The following DNAH6 variants were observed in gnomAD, a reference collection of about 807,000 sequenced individuals.
DNAH6 encodes dynein axonemal heavy chain 6.
Under a neutral mutation model 491.4 loss-of-function variants are expected in DNAH6, and 340 were observed. The ratio of observed to expected loss-of-function variants is 0.69; its 90% CI spans 0.63 to 0.76. The LOEUF (loss-of-function observed/expected upper bound fraction) is 0.76. DNAH6 is among the 30% of genes least tolerant of loss of function. DNAH6 has a pLI of 0.00. For synonymous variants in DNAH6, 1,603 were observed against 1,686.1 expected, an observed-to-expected ratio of 0.95 and a Z score of 1.21; for missense variants, 4,443 against 4,972.2, an observed-to-expected ratio of 0.89 and a Z score of 3.20.
At position 84,710,391 on chromosome 2, in the gene DNAH6, T is replaced by C; in HGVS notation, c.9357T>C (p.Gly3119=). Residue 3119 remains glycine (G), a synonymous_variant, in exon 56 of 77, where the codon GGT becomes GGC. Coordinates refer to ENST00000389394, the MANE Select transcript of DNAH6 (RefSeq NM_001370.2). The part of the protein sequence containing the change: ...LRILENSIRL[G]LPVLLEELKE... ...TACTCGAGAATTCAATCCGACTTGG[T>C]TTACCTGTCTTACTGGAAGAGGTTT... 1.9e-6 allele frequency: 3 copies of C among 1,551,768 alleles called. No homozygotes were observed. Among genetic ancestry groups the C allele is most frequent in the Non-Finnish European group, 2.6e-6 (3 of 1,146,952 alleles).
chr2:84,616,675 T>A (rs1384798345), intron 22 of DNAH6, among the ~76,000 whole-genome samples: 1 of 152,144 alleles, frequency 6.6e-6, no homozygotes, highest in Non-Finnish European at 1.5e-5. Context: ...TTGCTGATAA[T>A]GTGATTGTAA....
chr2:84,709,598 C>T (rs1311532570), intron 55 of DNAH6, 52 bp downstream of exon 55: 2 of 1,532,210 alleles, frequency 1.3e-6, no homozygotes, highest in African/African-American at 2.8e-5. Flanking sequence ...TAATGTTGAG[C>T]TAGCTATTAA....
intron 5 of DNAH6, among the ~76,000 whole-genome samples, chr2:84,545,489 T>C (rs558629396): frequency 2.6e-5 from 4 of 152,210 alleles, no homozygotes; most frequent in Non-Finnish European, 5.9e-5. Context: ...GCTAGGTATG[T>C]AAAATAGTTC....
At chr2:84,773,122 C>T (rs898053805) in intron 64 of DNAH6, among the ~76,000 whole-genome samples, 1 of 151,976 alleles carries the variant, frequency 6.6e-6, no homozygotes, top group African/African-American at 2.4e-5. Context: ...TTTCTTAACA[C>T]GTGCATATTG....
chr2:84,570,203 A>G (rs1385127871), intron 11 of DNAH6, among the ~76,000 whole-genome samples: 1 of 152,226 alleles, frequency 6.6e-6, no homozygotes. Context: ...GGAGACATGT[A>G]AAAAAGACAA....
intron 37 of DNAH6, among the ~76,000 whole-genome samples, chr2:84,661,668 A>G (rs1388809965): frequency 9.2e-5 from 14 of 152,220 alleles, no homozygotes; most frequent in Non-Finnish European, 1.5e-5. Flanking sequence ...ATGGAGAGAT[A>G]TACTATGTTC....
At chr2:84,580,458 A>G (rs1682909988) in intron 14 of DNAH6, among the ~76,000 whole-genome samples, 1 of 152,122 alleles carries the variant, frequency 6.6e-6, no homozygotes. Flanking sequence ...TTTTTCATAA[A>G]CTTCCATTCA....
intron 64 of DNAH6, 93 bp from the exon 65 acceptor site, chr2:84,781,400 C>A: frequency 9.4e-7 from 1 of 1,059,440 alleles, no homozygotes; most frequent in Non-Finnish European, 1.3e-6. Flanking sequence ...GTTTATATAT[C>A]CTAAGCAAGA....
chr2:84,615,584 T>C (rs1432281152), intron 22 of DNAH6, among the ~76,000 whole-genome samples: 1 of 152,114 alleles, frequency 6.6e-6, no homozygotes, highest in Non-Finnish European at 1.5e-5. Context: ...ATTATGGTGT[T>C]ATTTTTATGA....
chr2:84,756,090 C>T (rs1284246334), intron 63 of DNAH6, among the ~76,000 whole-genome samples: 1 of 152,136 alleles, frequency 6.6e-6, no homozygotes, highest in East Asian at 1.9e-4. Context: ...TGTAAATTGC[C>T]CAGTCTTGGG....
chr2:84,812,156 A>G (rs1030842025), intron 72 of DNAH6, among the ~76,000 whole-genome samples, 185 bp from the exon 73 acceptor site: 1 of 152,236 alleles, frequency 6.6e-6, no homozygotes, highest in African/African-American at 2.4e-5. Context: ...TTACACCGCA[A>G]CGGTCACGTA....
At position 84,715,704 on chromosome 2, in the gene DNAH6, A is replaced by G. The variant is rs61530656; in HGVS notation, c.9611+77A>G. 10,740 of 1,382,754 alleles carry G rather than the reference A, an allele frequency of 7.8e-3. 532 individuals are homozygous for G. The African/African-American group carries it at 0.11, about 15-fold the overall frequency. 85.7% of individuals were successfully genotyped at this position (1,382,754 alleles called of 1,614,324 possible). A position where few individuals can be genotyped will look rare whatever the true frequency, so the allele number is the denominator to read the frequency against. ...AATATTTTGTTTAGAAATATTGACAAAGACAATGTTCTGCTGTGTAAGAGC... is the reference window on the plus strand; with the variant it reads ...AATATTTTGTTTAGAAATATTGACAGAGACAATGTTCTGCTGTGTAAGAGC... On this transcript the variant is annotated intron_variant, in intron 58 of 76. Transcript: ENST00000389394.
chr2:84,694,628 A>C, intron 46 of DNAH6, 148 bp downstream of exon 46: 3 of 605,436 alleles, frequency 5.0e-6, no homozygotes, highest in East Asian at 2.8e-5. Flanking sequence ...GACTTTTATA[A>C]TACATTTTTA....
chr2:84,560,558 A>G (rs1393226892), intron 11 of DNAH6, among the ~76,000 whole-genome samples: 1 of 151,276 alleles, frequency 6.6e-6, no homozygotes, highest in Non-Finnish European at 1.5e-5. Context: ...TGCTGCACCC[A>G]TTAACTCGTC....
intron 72 of DNAH6, among the ~76,000 whole-genome samples, chr2:84,808,914 C>T (rs936987796): frequency 2.3e-4 from 35 of 152,120 alleles, no homozygotes; most frequent in Admixed American, 7.2e-4. Context: ...CTGTGAAAAC[C>T]ATAATCTGTC....
At chr2:84,697,538 T>C (rs984305171) in intron 46 of DNAH6, 37 bp from the exon 47 acceptor site, 10 of 1,493,538 alleles carry the variant, frequency 6.7e-6, no homozygotes, top group Non-Finnish European at 8.1e-6. Context: ...TGGAAAATGA[T>C]TGAGCAAGTT....
intron 29 of DNAH6, among the ~76,000 whole-genome samples, chr2:84,630,936 G>T (rs1477240344): frequency 5.9e-5 from 9 of 152,106 alleles, no homozygotes; most frequent in Admixed American, 5.9e-4. Context: ...TCTTGTGTAT[G>T]TTTGAAATTT....
intron 36 of DNAH6, 63 bp downstream of exon 36, chr2:84,658,537 C>A: frequency 8.7e-7 from 1 of 1,151,926 alleles, no homozygotes; most frequent in Non-Finnish European, 1.2e-6. Flanking sequence ...AAGTTCTTTG[C>A]AAAGAAATGA....
At chr2:84,492,653 A>G in the DNAH6 span, among the ~76,000 whole-genome samples, 1 of 152,198 alleles carries the variant, frequency 6.6e-6, no homozygotes, top group African/African-American at 2.4e-5. Context: ...TTAGTTTGGT[A>G]TAGTCAAAAT....
Sources: gnomAD v4.1 joint callset for allele counts (sites outside exome capture counted in the v4.1 genomes callset) on GRCh38, gnomAD v4.1.1 for gene constraint, MANE v1.5 for transcripts, NCBI Gene and HGNC (gene_info 2026-07-23, HGNC 2026-07-21) for gene names.